Variants in PANX1 observed in about 807,000 individuals in gnomAD.
The protein encoded by PANX1 is pannexin 1.
A neutral mutation model predicts 38.7 loss-of-function variants in PANX1; 30 were observed. That is an observed-to-expected ratio of 0.78 (90% CI 0.58 to 1.05). The LOEUF (loss-of-function observed/expected upper bound fraction) is 1.05. Ranked by LOEUF, PANX1 falls within the 50% of genes least tolerant of loss-of-function variation. The pLI is 0.00. For missense variants in PANX1, 551 were observed against 517.2 expected (o/e 1.07, Z -0.63); for synonymous variants, 230 against 212.2 (o/e 1.08, Z -0.73).
intron 2 of PANX1, among the ~76,000 whole-genome samples, chr11:94,175,035 A>G (rs1350041983): frequency 6.6e-6 from 1 of 151,732 alleles, no homozygotes; most frequent in Non-Finnish European, 1.5e-5. Context: ...CATGCAGAAT[A>G]GTGCCATCAT....
intron 1 of PANX1, among the ~76,000 whole-genome samples, chr11:94,137,081 G>A (rs1032625953): frequency 2.6e-5 from 4 of 152,056 alleles, no homozygotes; most frequent in Non-Finnish European, 4.4e-5. Context: ...CAAGGCGAGC[G>A]GATCATGAGG....
chr11:94,180,887 C>T lies in PANX1; in HGVS notation c.*18C>T. 1.4e-6 allele frequency: 2 copies of T among 1,437,152 alleles called. No individual in the cohort carries two copies. Among genetic ancestry groups the T allele is most frequent in the South Asian group, 1.1e-5 (1 of 87,484 alleles). 89.0% of individuals were successfully genotyped at this position (1,437,152 alleles called of 1,614,324 possible). A position where few individuals can be genotyped will look rare whatever the true frequency, so the allele number is the denominator to read the frequency against. On this transcript the variant is annotated 3_prime_UTR_variant, in exon 5 of 5. Transcript: ENST00000227638. Reference sequence around the variant, plus strand: ...CTTGCTGATGATTTTTTTCCTTGAGCTGTAAATCTGTGACTTCTGCGACAT... The same window carrying T: ...CTTGCTGATGATTTTTTTCCTTGAGTTGTAAATCTGTGACTTCTGCGACAT...
At chr11:94,157,176 C>T (rs1946960675) in intron 2 of PANX1, among the ~76,000 whole-genome samples, 1 of 151,982 alleles carries the variant, frequency 6.6e-6, no homozygotes, top group South Asian at 2.1e-4. Flanking sequence ...TGAATAGTGC[C>T]ACAATAAACA....
chr11:94,160,756 G>C (rs570333481), intron 2 of PANX1, among the ~76,000 whole-genome samples: 2 of 152,174 alleles, frequency 1.3e-5, no homozygotes, highest in Non-Finnish European at 2.9e-5. Context: ...GTGTGAATGT[G>C]ATCCTGTCAT....
chr11:94,166,012 T>TA (rs1398131866), intron 2 of PANX1, among the ~76,000 whole-genome samples: 3 of 152,024 alleles, frequency 2.0e-5, no homozygotes, highest in Non-Finnish European at 2.9e-5. Flanking sequence ...ACAATGAAAA[T>TA]AAAAAAACAA....
At chr11:94,161,873 A>G (rs1174420046) in intron 2 of PANX1, among the ~76,000 whole-genome samples, 1 of 152,018 alleles carries the variant, frequency 6.6e-6, no homozygotes, top group Admixed American at 6.6e-5. Flanking sequence ...GTCTTTGATG[A>G]TGGTGATGTA....
intron 2 of PANX1, among the ~76,000 whole-genome samples, chr11:94,158,463 C>A (rs1354482582): frequency 1.3e-5 from 2 of 152,082 alleles, no homozygotes; most frequent in South Asian, 4.1e-4. Flanking sequence ...AGGTCCTTCA[C>A]ATCCCTTGTA....
chr11:94,138,993 G>A (rs751547554), intron 1 of PANX1, among the ~76,000 whole-genome samples: 2 of 151,888 alleles, frequency 1.3e-5, no homozygotes, highest in Non-Finnish European at 2.9e-5. Context: ...TGTTCTTTTG[G>A]TGCTATAAGT....
At position 94,139,905 on chromosome 11, in the gene PANX1, A is replaced by G. The variant is rs1946741923; in HGVS notation, c.181+10412A>G. 3.3e-5 allele frequency among the ~76,000 whole-genome samples: 5 copies of G among 152,222 alleles called. 1 individual carries two copies. The South Asian group carries it at 1.0e-3, about 31-fold the overall frequency. On this transcript the variant is annotated intron_variant, in intron 1 of 4. Transcript: ENST00000227638. Reference sequence around the variant, plus strand: ...TTTTCGTAAATTGCCAATAGTAAGTAAAGGGTTTGCCTTAGTTTGTAAGTC... The same window carrying G: ...TTTTCGTAAATTGCCAATAGTAAGTGAAGGGTTTGCCTTAGTTTGTAAGTC...
chr11:94,161,709 C>T (rs553489029), intron 2 of PANX1, among the ~76,000 whole-genome samples: 1 of 152,330 alleles, frequency 6.6e-6, no homozygotes, highest in African/African-American at 2.4e-5. Context: ...CTGATGCCTT[C>T]TTCTCTCAAT....
intron 2 of PANX1, among the ~76,000 whole-genome samples, chr11:94,174,515 T>G (rs942217749): frequency 2.0e-5 from 3 of 151,664 alleles, no homozygotes; most frequent in Non-Finnish European, 2.9e-5. Flanking sequence ...TTTATGAAGC[T>G]TCCCTGACCA....
intron 2 of PANX1, among the ~76,000 whole-genome samples, chr11:94,160,822 A>G (rs1053073318): frequency 4.6e-5 from 7 of 152,068 alleles, no homozygotes; most frequent in African/African-American, 1.7e-4. Flanking sequence ...CCTAGCCTCG[A>G]TGGTCTTTAG....
chr11:94,178,709 G>C, intron 3 of PANX1, 117 bp downstream of exon 3: 1 of 745,254 alleles, frequency 1.3e-6, no homozygotes, highest in South Asian at 1.6e-5. Context: ...AGTGGAAGCA[G>C]GGGGACGTCA....
chr11:94,129,452 T>C lies in PANX1; in HGVS notation c.140T>C (p.Leu47Pro), dbSNP rs1591499711. 1.2e-6 allele frequency: 2 copies of C among 1,613,458 alleles called. No homozygotes were observed. The highest frequency in any genetic ancestry group is 1.7e-6 in the Non-Finnish European group (2 of 1,179,582). ...MVTCIAVGLP[L>P]LLISLAFAQE... ...ACGTGCATTGCGGTGGGGCTGCCCC[T>C]GCTGCTCATCTCGCTGGCCTTCGCG... The change falls in exon 1 of 5, where the codon CTG becomes CCG. Residue 47 changes from leucine to proline, a missense_variant. Coordinates refer to ENST00000227638, the MANE Select transcript of PANX1 (RefSeq NM_015368.4).
rs1203675257 is a variant in PANX1 at position 94,168,903 on chromosome 11, GA to G, written c.322-9465del. Among the ~76,000 whole-genome samples, 4 of 151,664 alleles carry G rather than the reference GA, an allele frequency of 2.6e-5. 1 individual carries two copies. The highest frequency in any genetic ancestry group is 2.6e-4 in the Admixed American group (4 of 15,268). The stretch of plus-strand genomic sequence containing the variant: ...GTGCTGATTGGACATGGGAAGATGA[GA>G]GAAAGATCAGGATTAAGGACATGAC... On this transcript the variant is annotated intron_variant, in intron 2 of 4. Transcript: ENST00000227638.
intron 1 of PANX1, among the ~76,000 whole-genome samples, chr11:94,143,316 T>C (rs1457334049): frequency 6.6e-6 from 1 of 152,210 alleles, no homozygotes; most frequent in African/African-American, 2.4e-5. Context: ...TCATGATGTG[T>C]TTGCTCTAGT....
chr11:94,162,582 G>A (rs1199754818), intron 2 of PANX1, among the ~76,000 whole-genome samples: 2 of 152,210 alleles, frequency 1.3e-5, no homozygotes, highest in Admixed American at 6.5e-5. Context: ...CAGTATTAGG[G>A]TGGGAGTGAC....
At chr11:94,162,441 G>A (rs771683372) in intron 2 of PANX1, among the ~76,000 whole-genome samples, 9 of 152,146 alleles carry the variant, frequency 5.9e-5, no homozygotes, top group African/African-American at 1.7e-4. Flanking sequence ...CCCCAGCCTC[G>A]CTGCCACCTT....
chr11:94,153,441 A>C (rs1244237319), intron 1 of PANX1, 50 bp from the exon 2 acceptor site: 9 of 1,596,146 alleles, frequency 5.6e-6, no homozygotes, highest in Non-Finnish European at 6.9e-6. Flanking sequence ...TGGGGACAAG[A>C]GTCCAGGTAA....
Sources: gnomAD v4.1 joint callset for allele counts (sites outside exome capture counted in the v4.1 genomes callset) on GRCh38, gnomAD v4.1.1 for gene constraint, MANE v1.5 for transcripts, NCBI Gene and HGNC (gene_info 2026-07-23, HGNC 2026-07-21) for gene names.